Variants in ASPH observed in about 807,000 individuals in gnomAD.
The protein encoded by ASPH is aspartate beta-hydroxylase, also known as aspartyl/asparaginyl beta-hydroxylase.
ASPH carries 100 observed loss-of-function variants against 118.4 expected under a neutral mutation model. That is an observed-to-expected ratio of 0.84 (90% CI 0.72 to 1.00). The LOEUF is 1.00. Among genes scored for constraint, ASPH ranks in the 50% least tolerant of loss-of-function variants. The pLI is 0.00. For missense variants in ASPH, 920 were observed against 919.5 expected, an observed-to-expected ratio of 1.00 and a Z score of -0.01; for synonymous variants, 315 against 325.6, an observed-to-expected ratio of 0.97 and a Z score of 0.35.
intron 2 of ASPH, 118 bp from the exon 3 acceptor site, chr8:61,681,154 T>G: frequency 1.3e-6 from 1 of 748,236 alleles, no homozygotes; most frequent in Middle Eastern, 3.9e-4. Context: ...AATACAATTC[T>G]TTGCTCTTTT....
intron 15 of ASPH, chr8:61,579,446 G>A: frequency 6.2e-7 from 1 of 1,610,394 alleles, no homozygotes; most frequent in Non-Finnish European, 8.5e-7. Flanking sequence ...TGCAGAACAT[G>A]AGTATTCATA....
intron 13 of ASPH, among the ~76,000 whole-genome samples, chr8:61,620,401 C>T (rs1428193511): frequency 1.0e-5 from 1 of 96,958 alleles, no homozygotes; most frequent in Non-Finnish European, 2.1e-5. Flanking sequence ...AAGTGCCAGT[C>T]TTGACTTTTG....
chr8:61,633,824 A>AT (rs1463036936), intron 12 of ASPH, 97 bp from the exon 13 acceptor site: 8 of 822,790 alleles, frequency 9.7e-6, no homozygotes, highest in South Asian at 6.5e-5. Flanking sequence ...CTTTTCATAG[A>AT]TTTTTTAAAC....
At chr8:61,632,715 C>T (rs1382701697) in intron 13 of ASPH, 1 of 449,402 alleles carries the variant, frequency 2.2e-6, no homozygotes, top group Non-Finnish European at 4.4e-6. Flanking sequence ...ACTATCAAAA[C>T]CTAAGGCATC....
intron 1 of ASPH, among the ~76,000 whole-genome samples, chr8:61,690,385 TAGAA>T (rs1434056262): frequency 1.3e-5 from 2 of 151,918 alleles, no homozygotes; most frequent in African/African-American, 2.4e-5. Context: ...AGGAAAGAAA[TAGAA>T]GGAAGGCTGG....
At chr8:61,557,402 T>TG (rs1181014287) in intron 18 of ASPH, among the ~76,000 whole-genome samples, 1 of 152,154 alleles carries the variant, frequency 6.6e-6, no homozygotes. Context: ...AAGATACCCC[T>TG]GCCTCAGGGT....
intron 15 of ASPH, chr8:61,578,917 G>A (rs1365973909): frequency 3.0e-5 from 49 of 1,611,528 alleles, no homozygotes; most frequent in Middle Eastern, 3.6e-4. Flanking sequence ...AAGGAGATCC[G>A]GGAGCTGCAG....
At chr8:61,623,467 T>C (rs1483672399) in intron 13 of ASPH, among the ~76,000 whole-genome samples, 3 of 152,238 alleles carry the variant, frequency 2.0e-5, no homozygotes, top group Non-Finnish European at 4.4e-5. Context: ...ATGGGTAGTT[T>C]GCAAATATTT....
chr8:61,705,005 G>A (rs188001406), intron 1 of ASPH, among the ~76,000 whole-genome samples: 2 of 152,054 alleles, frequency 1.3e-5, no homozygotes, highest in Non-Finnish European at 2.9e-5. Context: ...GTCAAAAAAG[G>A]CTTCTATAAT....
chr8:61,646,642 A>AGT, intron 6 of ASPH, 108 bp downstream of exon 6: 1 of 1,255,434 alleles, frequency 8.0e-7, no homozygotes, highest in Non-Finnish European at 1.0e-6. Context: ...ACTTTTAAAA[A>AGT]TCTAAGCAAA....
chr8:61,697,187 T>C (rs1424720188), intron 1 of ASPH, among the ~76,000 whole-genome samples: 1 of 152,224 alleles, frequency 6.6e-6, no homozygotes, highest in Non-Finnish European at 1.5e-5. Flanking sequence ...ACAGTTGAGT[T>C]AGTAGAAAAC....
intron 14 of ASPH, among the ~76,000 whole-genome samples, chr8:61,592,970 G>C (rs1298993032): frequency 6.6e-6 from 1 of 152,190 alleles, no homozygotes; most frequent in Non-Finnish European, 1.5e-5. Context: ...AACGTTATCT[G>C]CTAATCACAG....
chr8:61,590,232 C>T (rs1286270755), intron 14 of ASPH, among the ~76,000 whole-genome samples: 2 of 152,046 alleles, frequency 1.3e-5, no homozygotes, highest in African/African-American at 4.8e-5. Context: ...CTCCCCGTGT[C>T]TGAAGAAGGA....
At chr8:61,572,781 A>G (rs138381920) in intron 16 of ASPH, among the ~76,000 whole-genome samples, 1,678 of 152,272 alleles carry the variant, frequency 0.011, 38 homozygotes, top group African/African-American at 0.038. Context: ...AGCAAACTTT[A>G]CAAAAAACAA....
intron 3 of ASPH, among the ~76,000 whole-genome samples, chr8:61,665,992 A>G (rs1185806425): frequency 6.6e-6 from 1 of 152,222 alleles, no homozygotes; most frequent in South Asian, 2.1e-4. Context: ...ATAATTTGTA[A>G]GAATATATAC....
At chr8:61,615,878 T>C (rs1436835389) in intron 14 of ASPH, among the ~76,000 whole-genome samples, 2 of 152,238 alleles carry the variant, frequency 1.3e-5, no homozygotes, top group African/African-American at 4.8e-5. Context: ...ATATTCTGGA[T>C]ATGTAATGTT....
chr8:61,600,359 AGTATTGGAGG>A (rs1843642903), intron 14 of ASPH, among the ~76,000 whole-genome samples: 1 of 146,334 alleles, frequency 6.8e-6, no homozygotes, highest in African/African-American at 2.8e-5. Context: ...TGTTTAACAT[AGTATTGGAGG>A]TCCAAGCCAG....
intron 14 of ASPH, among the ~76,000 whole-genome samples, chr8:61,589,101 G>A (rs927600055): frequency 1.3e-5 from 2 of 152,186 alleles, no homozygotes; most frequent in Non-Finnish European, 2.9e-5. Flanking sequence ...GGCTGTGGTG[G>A]GAAAAGGGGA....
intron 15 of ASPH, chr8:61,578,784 A>G: frequency 6.3e-7 from 1 of 1,592,778 alleles, no homozygotes; most frequent in Admixed American, 1.7e-5. Flanking sequence ...GCATACAGAG[A>G]TGGAGAATGA....
Sources: allele counts gnomAD v4.1 joint callset (sites outside exome capture counted in the v4.1 genomes callset), GRCh38; gene constraint gnomAD v4.1.1; transcripts MANE v1.5; gene names NCBI Gene and HGNC (gene_info 2026-07-23, HGNC 2026-07-21).